The following VRK2 variants were observed in gnomAD, a reference collection of about 807,000 sequenced individuals.
VRK2 encodes the protein serine/threonine-protein kinase VRK2.
VRK2 carries 60 observed loss-of-function variants against 57.6 expected under a neutral mutation model. The observed-to-expected ratio is 1.04, with a 90% CI of 0.85 to 1.29. The LOEUF is 1.29. Among genes scored for constraint, VRK2 ranks in the 50% most tolerant of loss-of-function variants. VRK2 has a pLI of 0.00. For synonymous variants in VRK2, 231 were observed against 199.2 expected (o/e 1.16, Z -1.35); for missense variants, 705 against 588.1 (o/e 1.20, Z -2.06).
At chr2:58,033,886 G>A (rs1572807735) in intron 3 of VRK2, among the ~76,000 whole-genome samples, 1 of 151,850 alleles carries the variant, frequency 6.6e-6, no homozygotes, top group East Asian at 1.9e-4. Flanking sequence ...AAAAAGAAAT[G>A]GGCATGGTTT....
intron 1 of VRK2, among the ~76,000 whole-genome samples, chr2:57,927,833 T>A (rs1045377696): frequency 8.5e-5 from 13 of 152,052 alleles, no homozygotes; most frequent in African/African-American, 2.9e-4. Context: ...AAAGTGGGGT[T>A]TTTTTCCTTC....
intron 2 of VRK2, among the ~76,000 whole-genome samples, chr2:58,032,618 T>C (rs1674151405): frequency 6.6e-6 from 1 of 152,126 alleles, no homozygotes; most frequent in South Asian, 2.1e-4. Flanking sequence ...TAGAATGTGC[T>C]GGCAATGCAA....
chr2:57,924,070 C>G (rs1299649482), intron 1 of VRK2, among the ~76,000 whole-genome samples: 1 of 151,860 alleles, frequency 6.6e-6, no homozygotes, highest in Non-Finnish European at 1.5e-5. Context: ...CTCTTCCGTT[C>G]TTCTGATCTC....
chr2:57,971,351 G>A (rs1315241731), intron 1 of VRK2, among the ~76,000 whole-genome samples: 1 of 151,882 alleles, frequency 6.6e-6, no homozygotes, highest in Non-Finnish European at 1.5e-5. Context: ...TACAATTCAA[G>A]ACTTCCATAA....
chr2:58,050,341 A>G (rs1267650757), intron 2 of VRK2, among the ~76,000 whole-genome samples: 1 of 152,230 alleles, frequency 6.6e-6, no homozygotes, highest in African/African-American at 2.4e-5. Flanking sequence ...CTCAGTAACT[A>G]CATGTGGCTG....
At position 58,084,896 on chromosome 2, in the gene VRK2, G is replaced by T; in HGVS notation, c.202G>T (p.Gly68Cys). ...HVVKVEYQEN[G>C]PLFSELKFYQ... ...TTTTTTATAGGAATATCAAGAAAAT[G>T]GCCCGTTATTTTCAGAACTTAAATT... is the stretch of plus-strand genomic sequence containing the variant. Residue 68 changes from glycine to cysteine, a missense_variant, in exon 4 of 13, where the codon GGC (glycine) becomes TGC (cysteine). Coordinates refer to ENST00000340157, the MANE Select transcript of VRK2 (RefSeq NM_006296.7). The T allele has an allele frequency of 6.3e-7, 1 of 1,578,074 alleles. No individual in the cohort carries two copies.
intron 1 of VRK2, among the ~76,000 whole-genome samples, chr2:58,005,078 C>G (rs17049295): frequency 0.044 from 6,636 of 152,178 alleles, 172 homozygotes; most frequent in Middle Eastern, 0.075. Context: ...AGAAAGAAGG[C>G]TTGCAATTTT....
chr2:57,999,356 T>G (rs1342499037), intron 1 of VRK2, among the ~76,000 whole-genome samples: 2 of 152,188 alleles, frequency 1.3e-5, no homozygotes, highest in Non-Finnish European at 2.9e-5. Flanking sequence ...TATTTATACA[T>G]AGTTTGATAA....
chr2:58,134,991 T>C (rs982963185), intron 9 of VRK2, 150 bp from the exon 10 acceptor site: 10 of 728,108 alleles, frequency 1.4e-5, no homozygotes, highest in Non-Finnish European at 2.3e-5. Flanking sequence ...TCTGCTTACT[T>C]TCCTATCCAT....
intron 8 of VRK2, among the ~76,000 whole-genome samples, chr2:58,124,853 ATAGTT>A (rs1678069689): frequency 1.3e-5 from 2 of 152,148 alleles, no homozygotes; most frequent in African/African-American, 4.8e-5. Context: ...TTTTTCAAGT[ATAGTT>A]TGGTTAGAAA....
At chr2:58,110,923 G>T (rs1168738351) in intron 7 of VRK2, among the ~76,000 whole-genome samples, 1 of 152,158 alleles carries the variant, frequency 6.6e-6, no homozygotes, top group African/African-American at 2.4e-5. Flanking sequence ...ATGATCAACT[G>T]CCCAGGAAGA....
Position 58,048,858 on chromosome 2 carries a change from C to T in VRK2, c.27C>T (p.Tyr9=). The T allele has an allele frequency of 6.2e-7, 1 of 1,613,840 alleles. No homozygotes were observed. ...TGCCACCAAAAAGAAATGAAAAATA[C>T]AAACTTCCTATTCCATTTCCAGAAG... MPPKRNEK[Y]KLPIPFPEGK... is the part of the protein sequence containing the mutation. The change falls in exon 2 of 13, where the codon TAC becomes TAT. Residue 9 remains tyrosine (Y), a synonymous_variant. Transcript: ENST00000340157.
intron 7 of VRK2, among the ~76,000 whole-genome samples, chr2:58,102,210 G>C (rs914385947): frequency 6.6e-6 from 1 of 151,436 alleles, no homozygotes; most frequent in Non-Finnish European, 1.5e-5. Context: ...CTTCTCAAAA[G>C]CTGTTAAAGC....
chr2:58,138,393 G>GA (rs1216684411), intron 10 of VRK2, among the ~76,000 whole-genome samples: 1 of 151,894 alleles, frequency 6.6e-6, no homozygotes, highest in Non-Finnish European at 1.5e-5. Context: ...AAAAATAGAT[G>GA]AAAAAAACAG....
chr2:58,007,968 TAACA>T (rs1673301826), intron 1 of VRK2, among the ~76,000 whole-genome samples: 1 of 152,098 alleles, frequency 6.6e-6, no homozygotes, highest in Non-Finnish European at 1.5e-5. Context: ...CTGACTACTT[TAACA>T]AACTTGTCTC....
chr2:58,042,294 C>CTGAT (rs1374094028), upstream of VRK2, among the ~76,000 whole-genome samples: 1 of 152,068 alleles, frequency 6.6e-6, no homozygotes, highest in Non-Finnish European at 1.5e-5. Context: ...GATACTTGGT[C>CTGAT]TGATTGTTTA....
At chr2:58,015,621 ATATT>A (rs1673557057) in intron 1 of VRK2, among the ~76,000 whole-genome samples, 2 of 152,210 alleles carry the variant, frequency 1.3e-5, no homozygotes, top group South Asian at 4.1e-4. Flanking sequence ...GTTATCATAC[ATATT>A]TATGTGTATA....
intron 7 of VRK2, among the ~76,000 whole-genome samples, chr2:58,093,746 G>A (rs1378812437): frequency 7.2e-5 from 11 of 152,200 alleles, no homozygotes; most frequent in Middle Eastern, 3.4e-3. Context: ...GCCCATGCCT[G>A]TGTCCTGAAT....
intron 8 of VRK2, 119 bp downstream of exon 8, chr2:58,123,352 G>A: frequency 8.0e-7 from 1 of 1,247,894 alleles, no homozygotes; most frequent in Non-Finnish European, 1.1e-6. Flanking sequence ...GCACTGGTGA[G>A]GTTTTTATCA....
Sources: allele counts gnomAD v4.1 joint callset (sites outside exome capture counted in the v4.1 genomes callset), GRCh38; gene constraint gnomAD v4.1.1; transcripts MANE v1.5; gene names NCBI Gene and HGNC (gene_info 2026-07-23, HGNC 2026-07-21).